The following NPEPPS variants were observed in gnomAD, a reference collection of about 807,000 sequenced individuals.
The protein encoded by NPEPPS is aminopeptidase puromycin sensitive, also known as puromycin-sensitive aminopeptidase.
A neutral mutation model predicts 115.5 loss-of-function variants in NPEPPS; 14 were observed. The ratio of observed to expected loss-of-function variants is 0.12; its 90% CI spans 0.08 to 0.19. The LOEUF (loss-of-function observed/expected upper bound fraction) is 0.19. Ranked by LOEUF, NPEPPS falls within the 10% of genes least tolerant of loss-of-function variation. The pLI is 1.00. For missense variants in NPEPPS, 523 were observed against 1,110.8 expected, an observed-to-expected ratio of 0.47 and a Z score of 7.52; for synonymous variants, 285 against 390.6, an observed-to-expected ratio of 0.73 and a Z score of 3.19.
rs915936785 is a variant in NPEPPS at position 47,622,065 on chromosome 17, T to A, written c.*145T>A. 27 of 1,288,036 alleles carry A rather than the reference T, an allele frequency of 2.1e-5. No homozygotes were observed. The highest frequency in any genetic ancestry group is 2.7e-5 in the Non-Finnish European group (27 of 1,014,930). The allele number at this position is 1,288,036 out of a possible 1,614,324, so 79.8% of individuals were successfully genotyped here. On this transcript the variant is annotated 3_prime_UTR_variant, in exon 23 of 23. Transcript: ENST00000322157. ...ACAATGAATGTAGTTAACTGGTTCCTGCTCACACTCCAGAATTAAATTCTA... is the reference window on the plus strand; with the variant it reads ...ACAATGAATGTAGTTAACTGGTTCCAGCTCACACTCCAGAATTAAATTCTA...
chr17:47,549,120 G>GT (rs1909447686), intron 2 of NPEPPS, among the ~76,000 whole-genome samples: 2 of 151,586 alleles, frequency 1.3e-5, no homozygotes, highest in African/African-American at 4.8e-5. Flanking sequence ...TGTGGCGGGT[G>GT]GATCATGACG....
At chr17:47,601,880 A>G in intron 15 of NPEPPS, 133 bp downstream of exon 15, 1 of 873,330 alleles carries the variant, frequency 1.1e-6, no homozygotes, top group Non-Finnish European at 1.7e-6. Flanking sequence ...CTTAGGACGA[A>G]TTTTCATATA....
chr17:47,611,390 T>C (rs564221977), intron 17 of NPEPPS, among the ~76,000 whole-genome samples: 1 of 146,032 alleles, frequency 6.8e-6, no homozygotes, highest in East Asian at 2.1e-4. Context: ...ACCTGGGAGG[T>C]GGAGGCTGCA....
chr17:47,558,015 C>T (rs146305596), intron 2 of NPEPPS, among the ~76,000 whole-genome samples: 3,030 of 151,880 alleles, frequency 0.02, 82 homozygotes, highest in East Asian at 0.15. Context: ...CTACCTCCAC[C>T]TCCCGGCTTC....
At chr17:47,531,772 C>G (rs1907796716) in intron 1 of NPEPPS, among the ~76,000 whole-genome samples, 1 of 152,140 alleles carries the variant, frequency 6.6e-6, no homozygotes, top group Admixed American at 6.5e-5. Context: ...GGAGCTGAGG[C>G]TGGGGCTCGG....
intron 14 of NPEPPS, among the ~76,000 whole-genome samples, chr17:47,601,242 A>T (rs1300966417): frequency 1.3e-5 from 2 of 152,066 alleles, no homozygotes; most frequent in Non-Finnish European, 2.9e-5. Flanking sequence ...CTCCAAAAAA[A>T]AATATACATA....
chr17:47,589,888 T>C (rs1040494555), intron 9 of NPEPPS, among the ~76,000 whole-genome samples: 3 of 152,236 alleles, frequency 2.0e-5, no homozygotes, highest in Non-Finnish European at 4.4e-5. Flanking sequence ...TTTTCTGTTT[T>C]TGTTTTTCAG....
At chr17:47,558,460 C>G (rs558534912) in intron 2 of NPEPPS, among the ~76,000 whole-genome samples, 1 of 151,776 alleles carries the variant, frequency 6.6e-6, no homozygotes, top group Non-Finnish European at 1.5e-5. Flanking sequence ...GACGGAGTCT[C>G]GCTCTGTCAC....
chr17:47,597,290 G>A (rs1912940583), intron 13 of NPEPPS, among the ~76,000 whole-genome samples: 1 of 152,110 alleles, frequency 6.6e-6, no homozygotes, highest in African/African-American at 2.4e-5. Flanking sequence ...TTTGGTATGA[G>A]TTATACTTCA....
At chr17:47,573,156 T>C (rs1911304259) in intron 3 of NPEPPS, among the ~76,000 whole-genome samples, 1 of 152,142 alleles carries the variant, frequency 6.6e-6, no homozygotes, top group Non-Finnish European at 1.5e-5. Flanking sequence ...GGTACACCAT[T>C]GAGAGAGACT....
chr17:47,554,822 G>T (rs556785232), intron 2 of NPEPPS, among the ~76,000 whole-genome samples: 1 of 152,282 alleles, frequency 6.6e-6, no homozygotes, highest in East Asian at 1.9e-4. Flanking sequence ...AACTGAGATG[G>T]CTACTAGGTG....
chr17:47,535,420 G>A (rs1445220336), intron 1 of NPEPPS, among the ~76,000 whole-genome samples: 13 of 151,124 alleles, frequency 8.6e-5, no homozygotes, highest in African/African-American at 2.9e-4. Flanking sequence ...GCGTGGTGGC[G>A]GGTGCCTGTA....
chr17:47,568,207 A>G (rs1910955955), intron 2 of NPEPPS, among the ~76,000 whole-genome samples: 1 of 146,438 alleles, frequency 6.8e-6, no homozygotes, highest in Non-Finnish European at 1.5e-5. Flanking sequence ...TCTGTCGCCC[A>G]GGCTGGAGTA....
chr17:47,587,105 G>GAT (rs1255241225), intron 8 of NPEPPS, 125 bp from the exon 9 acceptor site: 72 of 821,614 alleles, frequency 8.8e-5, no homozygotes, highest in Non-Finnish European at 1.2e-4. Context: ...TCCATATTAG[G>GAT]AAATATTTTC....
intron 5 of NPEPPS, among the ~76,000 whole-genome samples, chr17:47,585,123 A>G (rs112054267): frequency 1.3e-5 from 2 of 152,196 alleles, no homozygotes; most frequent in Non-Finnish European, 2.9e-5. Flanking sequence ...CACCGCGCCT[A>G]GCCCCTATTT....
intron 2 of NPEPPS, among the ~76,000 whole-genome samples, chr17:47,549,997 C>G (rs1444622902): frequency 6.7e-6 from 1 of 149,756 alleles, no homozygotes; most frequent in African/African-American, 2.5e-5. Flanking sequence ...TGCAGTGGCG[C>G]AGTCTCGGCT....
intron 17 of NPEPPS, among the ~76,000 whole-genome samples, chr17:47,605,882 A>G (rs1192508229): frequency 2.6e-5 from 4 of 152,032 alleles, no homozygotes; most frequent in African/African-American, 9.7e-5. Flanking sequence ...TTATTTATTT[A>G]TTTTATTTTT....
chr17:47,611,566 G>A (rs1244510095), intron 17 of NPEPPS, among the ~76,000 whole-genome samples: 1 of 151,952 alleles, frequency 6.6e-6, no homozygotes, highest in Non-Finnish European at 1.5e-5. Context: ...TCAAGCTCCT[G>A]GGCTCAAGCG....
intron 17 of NPEPPS, among the ~76,000 whole-genome samples, chr17:47,612,125 T>G (rs1199673138): frequency 6.6e-6 from 1 of 152,194 alleles, no homozygotes; most frequent in African/African-American, 2.4e-5. Flanking sequence ...CTTTGAACCT[T>G]GGGTCAAAAC....
Sources: gnomAD v4.1 joint callset for allele counts (sites outside exome capture counted in the v4.1 genomes callset) on GRCh38, gnomAD v4.1.1 for gene constraint, MANE v1.5 for transcripts, NCBI Gene and HGNC (gene_info 2026-07-23, HGNC 2026-07-21) for gene names.